Variants in BRINP3 observed in about 807,000 individuals in gnomAD.
BRINP3 encodes the protein BMP/retinoic acid-inducible neural-specific protein 3.
BRINP3 carries 19 observed loss-of-function variants against 71.0 expected under a neutral mutation model. The ratio of observed to expected loss-of-function variants is 0.27; its 90% CI spans 0.19 to 0.39. BRINP3 has a LOEUF of 0.39. Ranked by LOEUF, BRINP3 falls within the 10% of genes least tolerant of loss-of-function variation. The pLI is 1.00. For missense variants in BRINP3, 959 were observed against 940.8 expected, an observed-to-expected ratio of 1.02 and a Z score of -0.25; for synonymous variants, 380 against 337.7, an observed-to-expected ratio of 1.13 and a Z score of -1.37.
chr1:190,414,671 A>G (rs545478482), intron 2 of BRINP3, among the ~76,000 whole-genome samples: 3 of 152,300 alleles, frequency 2.0e-5, no homozygotes, highest in East Asian at 3.9e-4. Context: ...GCATCCACCA[A>G]TATCCATTTA....
At chr1:190,165,199 A>C (rs1415659721) in intron 6 of BRINP3, among the ~76,000 whole-genome samples, 2 of 152,120 alleles carry the variant, frequency 1.3e-5, no homozygotes, top group African/African-American at 4.8e-5. Context: ...GTTTTTACAC[A>C]CAAAAAATGA....
At chr1:190,355,404 A>G (rs1571843048) in intron 2 of BRINP3, among the ~76,000 whole-genome samples, 1 of 152,020 alleles carries the variant, frequency 6.6e-6, no homozygotes, top group East Asian at 1.9e-4. Context: ...CTTTATATAG[A>G]TTATATTTAC....
intron 1 of BRINP3, 152 bp downstream of exon 1, chr1:190,477,296 G>T (rs1197224219): frequency 6.6e-6 from 1 of 152,094 alleles, no homozygotes; most frequent in African/African-American, 2.4e-5. Flanking sequence ...CAGTGCAGTT[G>T]CCACTAACAT....
chr1:190,371,311 T>A (rs542690725), intron 2 of BRINP3, among the ~76,000 whole-genome samples: 1 of 152,348 alleles, frequency 6.6e-6, no homozygotes, highest in African/African-American at 2.4e-5. Context: ...ATTTCAATTG[T>A]TATGTACAAG....
At chr1:190,211,351 TAA>T (rs1290490400) in intron 6 of BRINP3, among the ~76,000 whole-genome samples, 187 of 152,228 alleles carry the variant, frequency 1.2e-3, no homozygotes, top group Non-Finnish European at 2.2e-3. Flanking sequence ...GAACCCTGGA[TAA>T]TACAGGTAGT....
intron 6 of BRINP3, among the ~76,000 whole-genome samples, chr1:190,166,610 A>G (rs1388138992): frequency 1.3e-5 from 2 of 152,184 alleles, no homozygotes; most frequent in African/African-American, 4.8e-5. Flanking sequence ...GAGAGTGCCT[A>G]GAGAAATTTT....
chr1:190,318,005 TA>T (rs1276477792), intron 2 of BRINP3, among the ~76,000 whole-genome samples: 1 of 152,130 alleles, frequency 6.6e-6, no homozygotes, highest in African/African-American at 2.4e-5. Flanking sequence ...AAAAGTTCAA[TA>T]TATATTTGAA....
chr1:190,119,030 C>T (rs1389783392), intron 7 of BRINP3, among the ~76,000 whole-genome samples: 2 of 151,984 alleles, frequency 1.3e-5, no homozygotes, highest in Non-Finnish European at 2.9e-5. Context: ...AAAATATAAA[C>T]TTTTAAAGTC....
intron 3 of BRINP3, among the ~76,000 whole-genome samples, chr1:190,267,886 A>C (rs2102886105): frequency 6.6e-6 from 1 of 152,206 alleles, no homozygotes; most frequent in Admixed American, 6.5e-5. Flanking sequence ...CTGAAGTTTA[A>C]ATATAAAAAA....
intron 2 of BRINP3, among the ~76,000 whole-genome samples, chr1:190,372,411 G>C (rs1235070719): frequency 6.6e-6 from 1 of 152,172 alleles, no homozygotes; most frequent in East Asian, 1.9e-4. Context: ...TGCTGAGATA[G>C]TACACATCAG....
At chr1:190,145,580 G>T (rs1444510800) in intron 7 of BRINP3, among the ~76,000 whole-genome samples, 2 of 152,114 alleles carry the variant, frequency 1.3e-5, no homozygotes, top group Admixed American at 6.5e-5. Flanking sequence ...TCACTTAAAT[G>T]TAAATTAGTA....
chr1:190,413,926 T>C (rs1338426106), intron 2 of BRINP3, among the ~76,000 whole-genome samples: 2 of 152,178 alleles, frequency 1.3e-5, no homozygotes, highest in Non-Finnish European at 2.9e-5. Context: ...GAATTACACA[T>C]AAATATTAAG....
intron 2 of BRINP3, among the ~76,000 whole-genome samples, chr1:190,290,764 G>A (rs1004505153): frequency 2.6e-5 from 4 of 151,988 alleles, no homozygotes; most frequent in Admixed American, 2.6e-4. Flanking sequence ...ATTCTCCGAG[G>A]CTGTATATCT....
intron 2 of BRINP3, among the ~76,000 whole-genome samples, chr1:190,452,809 A>T (rs1187587944): frequency 6.6e-6 from 1 of 152,148 alleles, no homozygotes; most frequent in Non-Finnish European, 1.5e-5. Flanking sequence ...GTGTGTCAAG[A>T]CCGTGCCACT....
intron 3 of BRINP3, among the ~76,000 whole-genome samples, chr1:190,279,253 A>T (rs966326163): frequency 6.6e-6 from 1 of 151,792 alleles, no homozygotes; most frequent in African/African-American, 2.4e-5. Flanking sequence ...CACAGAATCA[A>T]TCTTCACAAT....
At chr1:190,106,332 G>T (rs1652160779) in intron 7 of BRINP3, among the ~76,000 whole-genome samples, 1 of 151,520 alleles carries the variant, frequency 6.6e-6, no homozygotes, top group East Asian at 1.9e-4. Context: ...TTATCATAAA[G>T]TACCTAAGTC....
At chr1:190,307,610 A>C (rs1158911540) in intron 2 of BRINP3, among the ~76,000 whole-genome samples, 2 of 147,482 alleles carry the variant, frequency 1.4e-5, no homozygotes, top group Non-Finnish European at 2.9e-5. Context: ...TAGTTAAGTT[A>C]TTCTAGTCTA....
chr1:190,263,913 A>G (rs1661420336), intron 4 of BRINP3, among the ~76,000 whole-genome samples: 1 of 152,150 alleles, frequency 6.6e-6, no homozygotes, highest in Non-Finnish European at 1.5e-5. Flanking sequence ...CTGACACAAC[A>G]ATGAACACAC....
At chr1:190,214,135 C>T (rs1656212369) in intron 6 of BRINP3, among the ~76,000 whole-genome samples, 1 of 152,036 alleles carries the variant, frequency 6.6e-6, no homozygotes, top group Non-Finnish European at 1.5e-5. Flanking sequence ...GAGCATTCCC[C>T]ACCTTCAGGT....
Sources: gnomAD v4.1 joint callset for allele counts (sites outside exome capture counted in the v4.1 genomes callset) on GRCh38, gnomAD v4.1.1 for gene constraint, MANE v1.5 for transcripts, NCBI Gene and HGNC (gene_info 2026-07-23, HGNC 2026-07-21) for gene names.